RBM5: variants seen among roughly 807,000 people sequenced by gnomAD.
RBM5 encodes RNA binding motif protein 5, also known as RNA-binding protein 5.
In RBM5, 15 loss-of-function variants were observed where a neutral mutation model predicts 124.6. The observed-to-expected ratio is 0.12, with a 90% CI of 0.08 to 0.19. The LOEUF (loss-of-function observed/expected upper bound fraction) is 0.19. Among genes scored for constraint, RBM5 ranks in the 10% least tolerant of loss-of-function variants. The pLI is 1.00. For synonymous variants in RBM5, 337 were observed against 361.2 expected (o/e 0.93, Z 0.76); for missense variants, 580 against 1,026.5 (o/e 0.57, Z 5.94).
At chr3:50,095,182 CAG>C (rs1334295204) in intron 4 of RBM5, among the ~76,000 whole-genome samples, 1 of 152,136 alleles carries the variant, frequency 6.6e-6, no homozygotes, top group East Asian at 1.9e-4. Context: ...GCCTGGGTGA[CAG>C]AACAAGACCC....
intron 8 of RBM5, chr3:50,104,801 C>A (rs1016941387): frequency 7.9e-6 from 3 of 379,430 alleles, no homozygotes; most frequent in Non-Finnish European, 4.7e-6. Context: ...ACAGAAAGTT[C>A]TTTTGTTTTC....
At chr3:50,110,836 TA>T (rs2091130333) in intron 17 of RBM5, 66 bp downstream of exon 17, 2 of 1,245,058 alleles carry the variant, frequency 1.6e-6, no homozygotes, top group African/African-American at 3.0e-5. Context: ...TTATGAGGCA[TA>T]AAATGAAATA....
chr3:50,100,280 C>CTTT lies in RBM5; in HGVS notation c.409+238_409+240dup. On this transcript the variant is annotated intron_variant, in intron 5 of 24. Transcript: ENST00000347869. The surrounding 1 kb of genome is among the most constrained non-coding windows in gnomAD (Gnocchi z 5.1). The stretch of plus-strand genomic sequence containing the variant: ...TAGGTAAGTAATGATTTATAAACTC[C>CTTT]TTTTTTTTTTTGACTATAGTCGGTT... 1 of 447,004 alleles carries CTTT rather than the reference C, an allele frequency of 2.2e-6. No homozygotes were observed. The highest frequency in any genetic ancestry group is 2.1e-5 in the African/African-American group (1 of 48,432). The allele number at this position is 447,004 out of a possible 1,614,324, so 27.7% of individuals were successfully genotyped here.
At position 50,100,216 on chromosome 3, in the gene RBM5, G is replaced by T; in HGVS notation, c.409+165G>T. 1 of 689,234 alleles carries T rather than the reference G, an allele frequency of 1.5e-6. No homozygotes were observed. The allele number at this position is 689,234 out of a possible 1,614,324, so 42.7% of individuals were successfully genotyped here. A position where few individuals can be genotyped will look rare whatever the true frequency, so the allele number is the denominator to read the frequency against. On this transcript the variant is annotated intron_variant, in intron 5 of 24. Coordinates refer to ENST00000347869, the MANE Select transcript of RBM5 (RefSeq NM_005778.4). The surrounding 1 kb of genome is among the most constrained non-coding windows in gnomAD (Gnocchi z 5.1). ...TTTGAAAACCATGTTAGCATCTGAGGAACTTTTTTAAACTTTGTTTTAGGG... is the reference window on the plus strand; with the variant it reads ...TTTGAAAACCATGTTAGCATCTGAGTAACTTTTTTAAACTTTGTTTTAGGG...
rs2091077273 is a variant in RBM5 at position 50,108,284 on chromosome 3, C to T, written c.1172C>T (p.Ser391Phe). 6.2e-7 allele frequency: 1 copy of T among 1,612,346 alleles called. No homozygotes were observed. The highest frequency in any genetic ancestry group is 1.3e-5 in the African/African-American group (1 of 75,020). Residue 391 changes from serine to phenylalanine, a missense_variant, in exon 14 of 25, where the codon TCT becomes TTT. Physicochemically the swap from Ser to Phe is radical, Grantham distance 155. Coordinates refer to ENST00000347869, the MANE Select transcript of RBM5 (RefSeq NM_005778.4). ...CAACAACAAGCTGGAGGATTGGAAT[C>T]TGATGCATCATCTGCATCAGGTAGT... The part of the protein sequence containing the change: ...FYQQQAGGLE[S>F]DASSASGTAV...
chr3:50,099,167 A>C (rs893195416), intron 4 of RBM5, among the ~76,000 whole-genome samples: 1 of 151,908 alleles, frequency 6.6e-6, no homozygotes, highest in Non-Finnish European at 1.5e-5. Context: ...AGGTGGGAGG[A>C]TCACTTGAGT....
At position 50,115,279 on chromosome 3, in the gene RBM5, T is replaced by C. The variant is rs745600882; in HGVS notation, c.1840-149T>C. On this transcript the variant is annotated intron_variant, in intron 20 of 24. Coordinates refer to ENST00000347869, the MANE Select transcript of RBM5 (RefSeq NM_005778.4). ...TCAAGGACCTGACTGCTCCACGCAG[T>C]TGACAAAATGTGATTCATTACTAAA... is the stretch of plus-strand genomic sequence containing the variant. The C allele has an allele frequency of 6.3e-6, 6 of 952,612 alleles. No homozygotes were observed. The Admixed American group carries it at 8.7e-5, about 14-fold the overall frequency. The allele number at this position is 952,612 out of a possible 1,614,324, so 59.0% of individuals were successfully genotyped here.
chr3:50,108,013 A>G (rs890546518), intron 12 of RBM5, 57 bp from the exon 13 acceptor site: 4 of 1,464,376 alleles, frequency 2.7e-6, no homozygotes, highest in Non-Finnish European at 3.8e-6. Flanking sequence ...GGGACTTCTG[A>G]ATTTTTTTCC....
chr3:50,115,892 A>T lies in RBM5; in HGVS notation c.2020-14A>T, dbSNP rs763472553. 3.1e-6 allele frequency: 5 copies of T among 1,606,550 alleles called. No individual in the cohort carries two copies. Among genetic ancestry groups the T allele is most frequent in the African/African-American group, 1.3e-5 (1 of 74,790 alleles). On this transcript the variant is annotated splice_polypyrimidine_tract_variant and intron_variant, in intron 21 of 24. Transcript: ENST00000347869. Reference sequence around the variant, plus strand: ...GTCTGAGTCCTTACTGTGTCTTTCAAATCTTTTGTGTAGCAAAACATGGAC... The same window carrying T: ...GTCTGAGTCCTTACTGTGTCTTTCATATCTTTTGTGTAGCAAAACATGGAC...
At chr3:50,104,401 G>T in intron 8 of RBM5, 93 bp downstream of exon 8, 1 of 1,224,882 alleles carries the variant, frequency 8.2e-7, no homozygotes, top group Admixed American at 1.8e-5. Flanking sequence ...ACTTTGCAAG[G>T]CCAAGGTGGG....
Position 50,093,892 on chromosome 3 carries a change from G to A in RBM5, c.339+17G>A. On this transcript the variant is annotated intron_variant, in intron 4 of 24. Coordinates refer to ENST00000347869, the MANE Select transcript of RBM5 (RefSeq NM_005778.4). ...GAGAGCGATGTAAGGGGAAATGACA[G>A]TTATAACCAGCAGTCAGTAGGCACA... The A allele has an allele frequency of 1.9e-6, 3 of 1,590,870 alleles. No homozygotes were observed. The highest frequency in any genetic ancestry group is 2.6e-6 in the Non-Finnish European group (3 of 1,160,978).
At chr3:50,109,718 G>A (rs1461550473) in intron 15 of RBM5, 30 bp downstream of exon 15, 21 of 1,579,504 alleles carry the variant, frequency 1.3e-5, no homozygotes, top group Middle Eastern at 1.7e-4. Flanking sequence ...TACAAAACTC[G>A]TGGCTGATGG....
chr3:50,110,258 C>T (rs2091118788), intron 15 of RBM5, 121 bp from the exon 16 acceptor site: 11 of 806,506 alleles, frequency 1.4e-5, no homozygotes, highest in East Asian at 5.4e-5. Context: ...TGAGGGATTG[C>T]CTTAGATTAT....
chr3:50,109,628 G>C lies in RBM5; in HGVS notation c.1218G>C (p.Ala406=). Residue 406 remains alanine, a synonymous_variant, in exon 15 of 25, where the codon GCG becomes GCC. Coordinates refer to ENST00000347869, the MANE Select transcript of RBM5 (RefSeq NM_005778.4). ...ASGTAVTTTS[A]AVVSQSPQLY... ...GCACAGCAGTGACCACCACCTCAGC[G>C]GCTGTAGTGTCCCAGAGTCCTCAGC... The C allele has an allele frequency of 6.2e-7, 1 of 1,613,986 alleles. No homozygotes were observed. Among genetic ancestry groups the C allele is most frequent in the Non-Finnish European group, 8.5e-7 (1 of 1,179,940 alleles).
In RBM5 at chr3:50,090,382, A is replaced by G; in HGVS notation, c.-53A>G. 2 of 1,608,466 alleles carry G rather than the reference A, an allele frequency of 1.2e-6. No individual in the cohort carries two copies. The highest frequency in any genetic ancestry group is 2.2e-5 in the East Asian group (1 of 44,834). On this transcript the variant is annotated splice_region_variant and 5_prime_UTR_variant, in exon 2 of 25. Coordinates refer to ENST00000347869, the MANE Select transcript of RBM5 (RefSeq NM_005778.4). ...GCAATTAATCTCTCTTGTCTCCTAG[A>G]AAAAATAAAATTTGAACCTTTTGGA...
intron 15 of RBM5, 105 bp from the exon 16 acceptor site, chr3:50,110,274 C>T (rs2091118980): frequency 3.3e-6 from 3 of 914,644 alleles, no homozygotes; most frequent in Admixed American, 4.8e-5. Context: ...ATTATTGCTA[C>T]AGTGTGTCTG....
rs1224495238 is a variant in RBM5, at chr3:50,108,258, TCAA to T, written c.1153_1155del (p.Gln385del). The T allele has an allele frequency of 6.2e-6, 10 of 1,613,620 alleles. No individual in the cohort carries two copies. Among genetic ancestry groups the T allele is most frequent in the African/African-American group, 1.3e-5 (1 of 75,038 alleles). Reference sequence around the variant, plus strand: ...ATTCACAGGATTATCAGCAGTTTTATCAACAACAAGCTGGAGGATTGGAATCTG... The same window carrying T: ...ATTCACAGGATTATCAGCAGTTTTATCAACAAGCTGGAGGATTGGAATCTG... On this transcript the variant is annotated inframe_deletion, in exon 14 of 25. Coordinates refer to ENST00000347869, the MANE Select transcript of RBM5 (RefSeq NM_005778.4).
At chr3:50,113,620 C>G in intron 18 of RBM5, 76 bp downstream of exon 18, 1 of 1,429,782 alleles carries the variant, frequency 7.0e-7, no homozygotes, top group Non-Finnish European at 9.4e-7. Context: ...GCATTTATGT[C>G]AGTATTATTT....
intron 17 of RBM5, among the ~76,000 whole-genome samples, chr3:50,111,152 A>G (rs72927503): frequency 0.024 from 3,579 of 152,286 alleles, 144 homozygotes; most frequent in African/African-American, 0.082. Context: ...TTCTGTTGCC[A>G]TAGATTATTT....
Sources: allele counts gnomAD v4.1 joint callset (sites outside exome capture counted in the v4.1 genomes callset), GRCh38; gene constraint gnomAD v4.1.1; non-coding constraint Gnocchi (gnomAD v3.1); transcripts MANE v1.5; gene names NCBI Gene and HGNC (gene_info 2026-07-23, HGNC 2026-07-21).